Variants in SFMBT1 observed in about 807,000 individuals in gnomAD.
The protein encoded by SFMBT1 is scm-like with four MBT domains protein 1.
In SFMBT1, 32 loss-of-function variants were observed where a neutral mutation model predicts 108.7. The observed-to-expected ratio is 0.29, with a 90% CI of 0.22 to 0.40. SFMBT1 has a LOEUF of 0.40. Among genes scored for constraint, SFMBT1 ranks in the 10% least tolerant of loss-of-function variants. The probability of loss-of-function intolerance (pLI) is 1.00; values close to 1 mark genes in which losing one functional copy is unlikely to be tolerated. For synonymous variants in SFMBT1, 348 were observed against 369.5 expected, an observed-to-expected ratio of 0.94 and a Z score of 0.67; for missense variants, 816 against 1,059.6, an observed-to-expected ratio of 0.77 and a Z score of 3.19.
intron 1 of SFMBT1, among the ~76,000 whole-genome samples, chr3:52,990,852 T>C (rs532711045): frequency 8.2e-4 from 125 of 152,346 alleles, no homozygotes; most frequent in Non-Finnish European, 1.4e-3. Flanking sequence ...TATGGGGTGA[T>C]GTCAACCTTG....
At chr3:53,022,611 T>C (rs150897296) in intron 1 of SFMBT1, among the ~76,000 whole-genome samples, 121 of 152,250 alleles carry the variant, frequency 7.9e-4, no homozygotes, top group Non-Finnish European at 1.6e-3. Flanking sequence ...CGTGTTACAA[T>C]GTGGATGAAC....
chr3:52,954,781 C>A (rs1427516253), intron 2 of SFMBT1, among the ~76,000 whole-genome samples: 4 of 151,894 alleles, frequency 2.6e-5, no homozygotes, highest in Non-Finnish European at 4.4e-5. Flanking sequence ...ATAAGCATTT[C>A]AAACTTAAAT....
intron 1 of SFMBT1, among the ~76,000 whole-genome samples, chr3:53,027,798 G>A (rs1399467600): frequency 3.3e-5 from 5 of 152,316 alleles, no homozygotes; most frequent in Middle Eastern, 3.4e-3. Context: ...AAAATCCTGT[G>A]AAATTAAAAC....
Position 52,904,209 on chromosome 3 carries a change from A to C in SFMBT1, c.*927T>G, listed in dbSNP as rs1177060338. The stretch of plus-strand genomic sequence containing the variant: ...CAGAGGTAGACAAACAACTCTAGAG[A>C]AAAGTAAACACAAAATAAAAGTCAC... On this transcript the variant is annotated 3_prime_UTR_variant, in exon 21 of 21. Coordinates refer to ENST00000394752, the MANE Select transcript of SFMBT1 (RefSeq NM_016329.4). 1 of 152,234 alleles carries C rather than the reference A, an allele frequency of 6.6e-6. No individual in the cohort carries two copies. Among genetic ancestry groups the C allele is most frequent in the Non-Finnish European group, 1.5e-5 (1 of 68,046 alleles). The allele number at this position is 152,234 out of a possible 1,614,324, so 9.4% of individuals were successfully genotyped here.
intron 3 of SFMBT1, among the ~76,000 whole-genome samples, chr3:52,948,341 T>C (rs1301049614): frequency 2.0e-5 from 3 of 152,152 alleles, no homozygotes; most frequent in East Asian, 3.8e-4. Flanking sequence ...AAACTTGATA[T>C]CTAGTACAGC....
chr3:53,044,037 T>C (rs1378797187), intron 1 of SFMBT1, among the ~76,000 whole-genome samples: 2 of 152,194 alleles, frequency 1.3e-5, no homozygotes, highest in Non-Finnish European at 1.5e-5. Flanking sequence ...GGCATATACA[T>C]ATATAAAAAG....
At chr3:52,996,630 TG>T (rs1370488388) in intron 1 of SFMBT1, among the ~76,000 whole-genome samples, 3 of 150,256 alleles carry the variant, frequency 2.0e-5, no homozygotes, top group Non-Finnish European at 4.5e-5. Context: ...AAAACCACTA[TG>T]AAGTATCATT....
chr3:52,938,458 T>G (rs978097061), intron 4 of SFMBT1, among the ~76,000 whole-genome samples: 2 of 152,196 alleles, frequency 1.3e-5, no homozygotes. Context: ...ATTACCTTTA[T>G]ATAACACTTT....
chr3:52,918,888 G>A (rs1702435641), intron 12 of SFMBT1, among the ~76,000 whole-genome samples: 1 of 152,028 alleles, frequency 6.6e-6, no homozygotes, highest in African/African-American at 2.4e-5. Context: ...CTTCATGGAA[G>A]ACAATTTTTC....
intron 2 of SFMBT1, among the ~76,000 whole-genome samples, chr3:52,957,309 G>C (rs530796670): frequency 7.1e-4 from 108 of 152,152 alleles, no homozygotes; most frequent in Non-Finnish European, 1.4e-3. Flanking sequence ...ACCACTGCTC[G>C]AGGAAATGAG....
At chr3:53,032,012 T>C (rs1699702962) in intron 1 of SFMBT1, among the ~76,000 whole-genome samples, 1 of 152,168 alleles carries the variant, frequency 6.6e-6, no homozygotes, top group Admixed American at 6.5e-5. Flanking sequence ...GAGGTAAGGA[T>C]GTCTAGGGAA....
At chr3:52,981,806 T>C (rs1704721874) in intron 1 of SFMBT1, among the ~76,000 whole-genome samples, 1 of 152,238 alleles carries the variant, frequency 6.6e-6, no homozygotes, top group Middle Eastern at 3.4e-3. Context: ...ACTTGACTAT[T>C]TTGAGCAAGT....
chr3:52,947,763 C>G (rs1006504554), intron 3 of SFMBT1, among the ~76,000 whole-genome samples: 2 of 149,970 alleles, frequency 1.3e-5, no homozygotes, highest in Non-Finnish European at 3.0e-5. Context: ...GAGACAGCGT[C>G]TCCTTCTGTC....
At chr3:53,022,010 A>G (rs1699323433) in intron 1 of SFMBT1, among the ~76,000 whole-genome samples, 1 of 152,190 alleles carries the variant, frequency 6.6e-6, no homozygotes, top group Admixed American at 6.5e-5. Context: ...TCTTCTCTCA[A>G]AGATTCCTCA....
intron 1 of SFMBT1, among the ~76,000 whole-genome samples, chr3:52,993,426 G>A (rs1180783523): frequency 6.7e-6 from 1 of 150,168 alleles, no homozygotes; most frequent in Non-Finnish European, 1.5e-5. Flanking sequence ...TTAAATGCCT[G>A]CTATATTCGC....
intron 1 of SFMBT1, among the ~76,000 whole-genome samples, chr3:52,974,788 G>T (rs1403524143): frequency 1.4e-5 from 2 of 143,914 alleles, no homozygotes; most frequent in Non-Finnish European, 1.5e-5. Context: ...TCACGAGTTC[G>T]AGATAAGCCT....
At chr3:53,027,950 A>C (rs921027193) in intron 1 of SFMBT1, among the ~76,000 whole-genome samples, 3 of 152,234 alleles carry the variant, frequency 2.0e-5, no homozygotes, top group African/African-American at 7.2e-5. Flanking sequence ...TTAGCGTTCC[A>C]GTAATGGAAC....
chr3:53,015,734 C>T (rs955508202), intron 1 of SFMBT1, among the ~76,000 whole-genome samples: 1 of 152,138 alleles, frequency 6.6e-6, no homozygotes, highest in Non-Finnish European at 1.5e-5. Context: ...ATAGGCAAAT[C>T]TAGAGAGACA....
intron 3 of SFMBT1, among the ~76,000 whole-genome samples, chr3:52,944,057 C>T (rs886401615): frequency 6.6e-6 from 1 of 152,140 alleles, no homozygotes; most frequent in Non-Finnish European, 1.5e-5. Flanking sequence ...TCTATGTTTC[C>T]ACCAATTACT....
Sources: gnomAD v4.1 joint callset for allele counts (sites outside exome capture counted in the v4.1 genomes callset) on GRCh38, gnomAD v4.1.1 for gene constraint, MANE v1.5 for transcripts, NCBI Gene and HGNC (gene_info 2026-07-23, HGNC 2026-07-21) for gene names.